PTPN13: variants seen among roughly 807,000 people sequenced by gnomAD.
PTPN13 encodes the protein tyrosine-protein phosphatase non-receptor type 13.
In PTPN13, 191 loss-of-function variants were observed where a neutral mutation model predicts 284.0. That is an observed-to-expected ratio of 0.67 (90% CI 0.60 to 0.76). The LOEUF is 0.76. PTPN13 is among the 30% of genes least tolerant of loss of function. The pLI is 0.00. For synonymous variants in PTPN13, 986 were observed against 1,022.3 expected (o/e 0.96, Z 0.68); for missense variants, 2,797 against 2,939.9 (o/e 0.95, Z 1.12).
intron 19 of PTPN13, among the ~76,000 whole-genome samples, chr4:86,751,697 T>C (rs1737405825): frequency 6.6e-6 from 1 of 152,164 alleles, no homozygotes; most frequent in Admixed American, 6.5e-5. Flanking sequence ...ATTACCTTTT[T>C]TGGCTTTTCC....
chr4:86,718,914 C>T (rs186062833), intron 9 of PTPN13, among the ~76,000 whole-genome samples: 135 of 152,168 alleles, frequency 8.9e-4, no homozygotes, highest in African/African-American at 3.2e-3. Context: ...GTGATGACCC[C>T]ATTTTGATAC....
chr4:86,647,840 A>G (rs1279653423), intron 2 of PTPN13, among the ~76,000 whole-genome samples: 3 of 152,262 alleles, frequency 2.0e-5, no homozygotes, highest in South Asian at 2.1e-4. Flanking sequence ...TAAGCCAAGA[A>G]GAGAGTAGTC....
chr4:86,807,656 C>A lies in PTPN13; in HGVS notation c.6842C>A (p.Ala2281Asp). The A allele has an allele frequency of 1.1e-5, 18 of 1,613,966 alleles. No individual in the cohort carries two copies. The highest frequency in any genetic ancestry group is 1.5e-5 in the Non-Finnish European group (18 of 1,179,876). The change falls in exon 45 of 48, where the codon GCC becomes GAC. Residue 2281 changes from alanine (A) to aspartate (D), a missense_variant. Ala to Asp is a moderately radical substitution (Grantham distance 126, BLOSUM62 -2). Coordinates refer to ENST00000411767, the MANE Select transcript of PTPN13 (RefSeq NM_080683.3). Reference sequence around the variant, plus strand: ...GGGAAAGAAGAGTTCGTTTACATTGCCTGCCAAGGACCACTGCCTACAACT... The same window carrying A: ...GGGAAAGAAGAGTTCGTTTACATTGACTGCCAAGGACCACTGCCTACAACT... Reference protein sequence around the residue: ...PVGKEEFVYIACQGPLPTTVG... With the variant: ...PVGKEEFVYIDCQGPLPTTVG...
intron 2 of PTPN13, among the ~76,000 whole-genome samples, chr4:86,645,675 G>A (rs1724339676): frequency 6.6e-6 from 1 of 152,166 alleles, no homozygotes; most frequent in Non-Finnish European, 1.5e-5. Context: ...AAAACACAGT[G>A]CTGAGAGAAA....
intron 35 of PTPN13, among the ~76,000 whole-genome samples, chr4:86,778,782 T>G (rs1740937802): frequency 6.6e-6 from 1 of 152,094 alleles, no homozygotes; most frequent in Admixed American, 6.5e-5. Flanking sequence ...GGGCGTTAAA[T>G]TTACAGATTT....
intron 9 of PTPN13, among the ~76,000 whole-genome samples, chr4:86,719,598 G>A (rs574557393): frequency 6.6e-6 from 1 of 152,232 alleles, no homozygotes; most frequent in African/African-American, 2.4e-5. Flanking sequence ...CCAACAGTGT[G>A]TAAGTGTTCC....
intron 2 of PTPN13, among the ~76,000 whole-genome samples, chr4:86,636,993 G>T (rs2148730818): frequency 6.6e-6 from 1 of 151,644 alleles, no homozygotes; most frequent in East Asian, 1.9e-4. Flanking sequence ...ATGATAAAGG[G>T]GATATCACCA....
chr4:86,679,637 A>G (rs892420170), intron 3 of PTPN13, among the ~76,000 whole-genome samples: 1 of 152,226 alleles, frequency 6.6e-6, no homozygotes, highest in Non-Finnish European at 1.5e-5. Context: ...TTTTTAACCC[A>G]GAGGTATCTA....
At chr4:86,619,145 G>C (rs1720934771) in intron 1 of PTPN13, among the ~76,000 whole-genome samples, 1 of 152,150 alleles carries the variant, frequency 6.6e-6, no homozygotes, top group African/African-American at 2.4e-5. Context: ...GCGATCACAA[G>C]GGTAAACAAC....
At chr4:86,709,932 T>A (rs1267556626) in intron 7 of PTPN13, among the ~76,000 whole-genome samples, 1 of 152,206 alleles carries the variant, frequency 6.6e-6, no homozygotes, top group Non-Finnish European at 1.5e-5. Flanking sequence ...ACATTCACTC[T>A]TGTATGAGCT....
chr4:86,706,409 A>T (rs1187420440), intron 7 of PTPN13, among the ~76,000 whole-genome samples: 2 of 152,150 alleles, frequency 1.3e-5, no homozygotes, highest in Admixed American at 6.5e-5. Flanking sequence ...AAAATTATAT[A>T]ATTTTTAATA....
At chr4:86,602,881 TA>T (rs915323728) in intron 1 of PTPN13, among the ~76,000 whole-genome samples, 2 of 152,030 alleles carry the variant, frequency 1.3e-5, no homozygotes, top group African/African-American at 4.8e-5. Flanking sequence ...TATTTATTTG[TA>T]GAAATGGGGT....
intron 3 of PTPN13, 98 bp downstream of exon 3, chr4:86,672,641 T>C (rs1196667326): frequency 1.0e-6 from 1 of 983,010 alleles, no homozygotes; most frequent in Non-Finnish European, 1.4e-6. Flanking sequence ...AAAAATCTAT[T>C]GAGTTTTAAA....
chr4:86,637,791 A>C lies in PTPN13; in HGVS notation c.115+2420A>C, dbSNP rs201335326. 5.3e-4 allele frequency among the ~76,000 whole-genome samples: 76 copies of C among 142,798 alleles called. 1 individual carries two copies. In the East Asian group the frequency reaches 0.013, roughly 24 times the overall value. 93.7% of individuals were successfully genotyped at this position (142,798 alleles called of 152,430 possible). On this transcript the variant is annotated intron_variant, in intron 2 of 47. Transcript: ENST00000411767. Reference sequence around the variant, plus strand: ...GCACAAGACAGGGATGCCCTCTCTCACCACTCCTATTCAACATAGTGTTGG... The same window carrying C: ...GCACAAGACAGGGATGCCCTCTCTCCCCACTCCTATTCAACATAGTGTTGG...
In PTPN13 at chr4:86,726,886, G is replaced by A. The variant is rs1453546677; in HGVS notation, c.1608+4452G>A. Reference sequence around the variant, plus strand: ...TGGTGAGAGAGGGCATCCTTGTCTTGTGCTGGATTTCAAAGGGAATGCTTC... The same window carrying A: ...TGGTGAGAGAGGGCATCCTTGTCTTATGCTGGATTTCAAAGGGAATGCTTC... On this transcript the variant is annotated intron_variant, in intron 10 of 47. Transcript: ENST00000411767. Among the ~76,000 whole-genome samples the A allele has an allele frequency of 6.0e-5, 9 of 149,420 alleles. 2 individuals carry two copies. The highest frequency in any genetic ancestry group is 1.4e-4 in the Non-Finnish European group (9 of 66,610).
chr4:86,796,861 AT>A lies in PTPN13; in HGVS notation c.6346-8del. On this transcript the variant is annotated splice_polypyrimidine_tract_variant and intron_variant, in intron 40 of 47. Coordinates refer to ENST00000411767, the MANE Select transcript of PTPN13 (RefSeq NM_080683.3). ...CAATGGGCTGATTTGATTCTTATAT[AT>A]TTTTATTGTAGGCCACCAAAATGAA... 5.5e-6 allele frequency: 8 copies of A among 1,456,998 alleles called. No individual in the cohort carries two copies. The highest frequency in any genetic ancestry group is 1.3e-5 in the South Asian group (1 of 79,600). The allele number at this position is 1,456,998 out of a possible 1,614,324, so 90.3% of individuals were successfully genotyped here.
At chr4:86,711,114 T>TTTG (rs1395182850) in intron 7 of PTPN13, among the ~76,000 whole-genome samples, 1 of 149,698 alleles carries the variant, frequency 6.7e-6, no homozygotes, top group Admixed American at 6.7e-5. Flanking sequence ...TTTTTTTTTT[T>TTTG]TTTGGAGAGA....
chr4:86,607,513 G>C (rs1460502853), intron 1 of PTPN13, among the ~76,000 whole-genome samples: 1 of 151,950 alleles, frequency 6.6e-6, no homozygotes, highest in Non-Finnish European at 1.5e-5. Flanking sequence ...AGTAAATGCT[G>C]TTATTCTTAT....
intron 2 of PTPN13, among the ~76,000 whole-genome samples, chr4:86,643,717 G>A (rs1724084391): frequency 6.6e-6 from 1 of 152,116 alleles, no homozygotes; most frequent in African/African-American, 2.4e-5. Flanking sequence ...TCTTAGAGCT[G>A]AAAAGATTTT....
Sources: allele counts gnomAD v4.1 joint callset (sites outside exome capture counted in the v4.1 genomes callset), GRCh38; gene constraint gnomAD v4.1.1; transcripts MANE v1.5; gene names NCBI Gene and HGNC (gene_info 2026-07-23, HGNC 2026-07-21).